Variants in GALNT13 observed in about 807,000 individuals in gnomAD.
GALNT13 encodes polypeptide N-acetylgalactosaminyltransferase 13.
In GALNT13, 28 loss-of-function variants were observed where a neutral mutation model predicts 64.2. The ratio of observed to expected loss-of-function variants is 0.44; its 90% confidence interval spans 0.32 to 0.60. GALNT13 has a LOEUF of 0.60. GALNT13 is among the 20% of genes least tolerant of loss of function. The pLI, the probability that GALNT13 is intolerant of heterozygous loss-of-function variation, is 0.05. For synonymous variants in GALNT13, 214 were observed against 224.6 expected, an observed-to-expected ratio of 0.95 and a Z score of 0.42; for missense variants, 577 against 669.8, an observed-to-expected ratio of 0.86 and a Z score of 1.53.
At chr2:153,622,997 A>G in the GALNT13 span, among the ~76,000 whole-genome samples, 2 of 152,216 alleles carry the variant, frequency 1.3e-5, no homozygotes, top group East Asian at 3.9e-4. Flanking sequence ...CTGTGATAAT[A>G]CACATTTTCT....
chr2:153,774,009 A>G, the GALNT13 span, among the ~76,000 whole-genome samples: 1 of 152,196 alleles, frequency 6.6e-6, no homozygotes, highest in Admixed American at 6.5e-5. Flanking sequence ...ATATATTGAT[A>G]TAATCAATTG....
At chr2:153,145,896 C>G in the GALNT13 span, among the ~76,000 whole-genome samples, 1 of 151,758 alleles carries the variant, frequency 6.6e-6, no homozygotes, top group Non-Finnish European at 1.5e-5. Context: ...TTCTGGAACT[C>G]AACATAATAA....
chr2:154,438,087 A>G (rs1299380866), intron 11 of GALNT13, among the ~76,000 whole-genome samples: 1 of 152,194 alleles, frequency 6.6e-6, no homozygotes, highest in Non-Finnish European at 1.5e-5. Context: ...AGATCTCTAG[A>G]GAAGATACTT....
chr2:154,123,541 C>T lies in GALNT13; in HGVS notation c.143-16796C>T, dbSNP rs541904789. ...ACACTGAATAACATGGCTACACACT[C>T]AATAACATGGCTAAAATTAGAATGA... On this transcript the variant is annotated intron_variant, in intron 3 of 12. Coordinates refer to ENST00000392825, the MANE Select transcript of GALNT13 (RefSeq NM_052917.4). Among the ~76,000 whole-genome samples, 3 of 151,986 alleles carry T rather than the reference C, an allele frequency of 2.0e-5. No homozygotes were observed. In the East Asian group the frequency reaches 5.8e-4, roughly 29 times the overall value.
At chr2:154,312,781 T>C (rs1156248297) in intron 9 of GALNT13, among the ~76,000 whole-genome samples, 1 of 152,130 alleles carries the variant, frequency 6.6e-6, no homozygotes, top group East Asian at 1.9e-4. Context: ...TTTAGTAAAG[T>C]CAGTGGTCTC....
chr2:153,325,880 G>C, the GALNT13 span, among the ~76,000 whole-genome samples: 2 of 152,128 alleles, frequency 1.3e-5, no homozygotes, highest in Non-Finnish European at 2.9e-5. Context: ...TATGATTTCT[G>C]TTCTATTGCA....
At chr2:153,788,568 A>T in the GALNT13 span, among the ~76,000 whole-genome samples, 13 of 152,212 alleles carry the variant, frequency 8.5e-5, no homozygotes, top group South Asian at 1.2e-3. Context: ...AACAGCTAAT[A>T]ACACAATGAC....
intron 9 of GALNT13, among the ~76,000 whole-genome samples, chr2:154,361,164 A>G (rs1327867524): frequency 6.6e-6 from 1 of 152,106 alleles, no homozygotes; most frequent in Non-Finnish European, 1.5e-5. Flanking sequence ...TTATGTTTAT[A>G]AAGATTTTAT....
intron 3 of GALNT13, among the ~76,000 whole-genome samples, chr2:154,061,049 A>G (rs1205020162): frequency 2.2e-5 from 2 of 92,770 alleles, no homozygotes; most frequent in East Asian, 4.0e-4. Flanking sequence ...GCTTATATAT[A>G]TAAAGTTTTT....
chr2:153,591,008 G>A, the GALNT13 span, among the ~76,000 whole-genome samples: 56 of 152,158 alleles, frequency 3.7e-4, no homozygotes, highest in Admixed American at 7.2e-4. Flanking sequence ...ATCCAAATTG[G>A]AAAAGAGAAG....
chr2:153,331,861 T>C, the GALNT13 span, among the ~76,000 whole-genome samples: 63 of 151,946 alleles, frequency 4.1e-4, 1 homozygote, highest in South Asian at 0.012. Flanking sequence ...GACTCAATAT[T>C]GACCTGTTTT....
chr2:154,190,031 T>C (rs536101777), intron 4 of GALNT13, among the ~76,000 whole-genome samples: 10 of 152,320 alleles, frequency 6.6e-5, no homozygotes, highest in African/African-American at 2.4e-4. Context: ...ATACACCGTA[T>C]TTGGTGTCCT....
the GALNT13 span, among the ~76,000 whole-genome samples, chr2:153,808,278 A>AT: frequency 6.6e-6 from 1 of 151,964 alleles, no homozygotes; most frequent in Admixed American, 6.6e-5. Flanking sequence ...AAATTAGGCT[A>AT]TTTTTTTCCC....
the GALNT13 span, among the ~76,000 whole-genome samples, chr2:153,839,974 A>T: frequency 6.6e-6 from 1 of 151,854 alleles, no homozygotes; most frequent in Non-Finnish European, 1.5e-5. Flanking sequence ...AACTTAGAAT[A>T]TTTTTTTTCA....
At chr2:154,023,404 A>G (rs1697687465) in intron 3 of GALNT13, among the ~76,000 whole-genome samples, 1 of 152,164 alleles carries the variant, frequency 6.6e-6, no homozygotes, top group South Asian at 2.1e-4. Context: ...TATATTTAGG[A>G]TAGTTAGCTC....
At chr2:153,082,666 T>TACAC in the GALNT13 span, among the ~76,000 whole-genome samples, 9 of 118,100 alleles carry the variant, frequency 7.6e-5, no homozygotes, top group African/African-American at 2.9e-4. Context: ...CACACACACA[T>TACAC]ATATATAATT....
chr2:154,228,005 A>T (rs1688714263), intron 4 of GALNT13, among the ~76,000 whole-genome samples: 1 of 152,144 alleles, frequency 6.6e-6, no homozygotes, highest in Admixed American at 6.6e-5. Flanking sequence ...ATCCTAGAAA[A>T]CATAGCAGTC....
intron 3 of GALNT13, among the ~76,000 whole-genome samples, chr2:154,038,595 C>T (rs1162215166): frequency 1.3e-5 from 2 of 152,050 alleles, no homozygotes; most frequent in Non-Finnish European, 2.9e-5. Flanking sequence ...TGCCACTTGT[C>T]AAATACAAAT....
At chr2:153,475,222 A>G in the GALNT13 span, among the ~76,000 whole-genome samples, 1 of 152,204 alleles carries the variant, frequency 6.6e-6, no homozygotes, top group African/African-American at 2.4e-5. Flanking sequence ...TAAGTAACAA[A>G]TGGATCTAAG....
Sources: allele counts gnomAD v4.1 joint callset (sites outside exome capture counted in the v4.1 genomes callset), GRCh38; gene constraint gnomAD v4.1.1; transcripts MANE v1.5; gene names NCBI Gene and HGNC (gene_info 2026-07-23, HGNC 2026-07-21).